The following ATRNL1 variants were observed in gnomAD, a reference collection of about 807,000 sequenced individuals.
ATRNL1 encodes the protein attractin-like protein 1.
ATRNL1 carries 95 observed loss-of-function variants against 182.7 expected under a neutral mutation model. The ratio of observed to expected loss-of-function variants is 0.52; its 90% CI spans 0.44 to 0.62. The LOEUF (loss-of-function observed/expected upper bound fraction) is 0.62, where lower values mean the gene tolerates loss of function less well. Among genes scored for constraint, ATRNL1 ranks in the 20% least tolerant of loss-of-function variants. ATRNL1 has a pLI of 0.00. For missense variants in ATRNL1, 1,471 were observed against 1,679.5 expected (o/e 0.88, Z 2.17); for synonymous variants, 576 against 568.3 (o/e 1.01, Z -0.19).
chr10:115,199,021 T>A (rs781943882), intron 8 of ATRNL1, among the ~76,000 whole-genome samples: 2 of 152,118 alleles, frequency 1.3e-5, no homozygotes, highest in Non-Finnish European at 2.9e-5. Flanking sequence ...TTAGGATTTT[T>A]AAAAAATTTT....
chr10:115,601,797 C>T (rs1251597915), intron 26 of ATRNL1, among the ~76,000 whole-genome samples: 1 of 152,064 alleles, frequency 6.6e-6, no homozygotes, highest in African/African-American at 2.4e-5. Flanking sequence ...GTAACTCTTT[C>T]GTTATTCCAG....
At chr10:115,389,880 A>G (rs984433233) in intron 19 of ATRNL1, among the ~76,000 whole-genome samples, 15 of 151,970 alleles carry the variant, frequency 9.9e-5, no homozygotes, top group African/African-American at 3.6e-4. Context: ...CATTTTGATA[A>G]TAGCCACTTA....
intron 24 of ATRNL1, among the ~76,000 whole-genome samples, chr10:115,475,742 C>A (rs756904181): frequency 2.6e-5 from 4 of 151,260 alleles, no homozygotes; most frequent in Non-Finnish European, 5.9e-5. Context: ...AGATGATCAT[C>A]ATTTTCTTTT....
chr10:115,697,659 T>C (rs1428943079), intron 26 of ATRNL1, among the ~76,000 whole-genome samples: 2 of 152,028 alleles, frequency 1.3e-5, no homozygotes, highest in Non-Finnish European at 2.9e-5. Flanking sequence ...TTCTGTGTGT[T>C]ACATATATAA....
At chr10:115,244,019 A>G (rs184926735) in intron 10 of ATRNL1, among the ~76,000 whole-genome samples, 11 of 152,230 alleles carry the variant, frequency 7.2e-5, no homozygotes, top group African/African-American at 2.4e-4. Flanking sequence ...ACTTCAACAA[A>G]TGTCTTTCAA....
chr10:115,902,405 T>C (rs1373208744), intron 28 of ATRNL1, among the ~76,000 whole-genome samples: 1 of 152,134 alleles, frequency 6.6e-6, no homozygotes, highest in African/African-American at 2.4e-5. Flanking sequence ...TGGCCAAAAT[T>C]TATTTCTCAA....
chr10:115,598,598 G>A (rs963915579), intron 26 of ATRNL1, among the ~76,000 whole-genome samples: 1 of 151,682 alleles, frequency 6.6e-6, no homozygotes, highest in South Asian at 2.1e-4. Context: ...TGCTGACCTT[G>A]TGATCCACCT....
intron 26 of ATRNL1, among the ~76,000 whole-genome samples, chr10:115,636,083 T>C (rs1858849924): frequency 6.6e-6 from 1 of 152,150 alleles, no homozygotes; most frequent in Admixed American, 6.6e-5. Flanking sequence ...TACACAGATA[T>C]GTTCAATTTT....
At chr10:115,143,112 T>C (rs1459145284) in intron 5 of ATRNL1, among the ~76,000 whole-genome samples, 1 of 152,082 alleles carries the variant, frequency 6.6e-6, no homozygotes, top group Non-Finnish European at 1.5e-5. Context: ...ATTGATGAAA[T>C]TGGATGAGAT....
At chr10:115,104,051 A>T (rs1444123571) in intron 1 of ATRNL1, among the ~76,000 whole-genome samples, 1 of 152,200 alleles carries the variant, frequency 6.6e-6, no homozygotes, top group East Asian at 1.9e-4. Flanking sequence ...TCTTTTAGGT[A>T]AATACCTAGC....
At chr10:115,248,817 G>A (rs1850752410) in intron 10 of ATRNL1, among the ~76,000 whole-genome samples, 1 of 152,078 alleles carries the variant, frequency 6.6e-6, no homozygotes. Flanking sequence ...GGGCAGGTGG[G>A]AAAAGATATT....
chr10:115,188,990 G>T (rs2144219631), intron 8 of ATRNL1, among the ~76,000 whole-genome samples: 1 of 152,214 alleles, frequency 6.6e-6, no homozygotes, highest in South Asian at 2.1e-4. Flanking sequence ...GAATAATTAA[G>T]TAAAATGAAA....
At position 115,460,863 on chromosome 10, in the gene ATRNL1, A is replaced by T. The variant is rs112134875; in HGVS notation, c.3323-1078A>T. Among the ~76,000 whole-genome samples the T allele has an allele frequency of 8.6e-3, 1,314 of 152,198 alleles. 19 individuals carry two copies. The highest frequency in any genetic ancestry group is 0.028 in the African/African-American group (1,168 of 41,530). On this transcript the variant is annotated intron_variant, in intron 21 of 28. Coordinates refer to ENST00000355044, the MANE Select transcript of ATRNL1 (RefSeq NM_207303.4). Reference sequence around the variant, plus strand: ...TTTTTTTATTGTATCTCTAGGGCCTAGAACACTGGCACATTGAATTTTCCT... The same window carrying T: ...TTTTTTTATTGTATCTCTAGGGCCTTGAACACTGGCACATTGAATTTTCCT...
intron 19 of ATRNL1, among the ~76,000 whole-genome samples, chr10:115,392,770 T>C (rs1426091539): frequency 6.6e-6 from 1 of 152,182 alleles, no homozygotes; most frequent in African/African-American, 2.4e-5. Context: ...CATACTTTCT[T>C]CCTGTTCTGG....
chr10:115,763,282 G>T (rs568033444), intron 27 of ATRNL1, among the ~76,000 whole-genome samples: 87 of 152,162 alleles, frequency 5.7e-4, no homozygotes, highest in Non-Finnish European at 1.0e-3. Context: ...ATATAACACA[G>T]GCCTTGCTCC....
chr10:115,185,049 G>T (rs1017217940), intron 8 of ATRNL1, among the ~76,000 whole-genome samples: 17 of 151,940 alleles, frequency 1.1e-4, no homozygotes, highest in Non-Finnish European at 1.2e-4. Context: ...GAGAACTGCA[G>T]CTATGAAATG....
At chr10:115,919,669 G>A (rs1555118190) in intron 28 of ATRNL1, among the ~76,000 whole-genome samples, 2 of 151,904 alleles carry the variant, frequency 1.3e-5, no homozygotes, top group Non-Finnish European at 2.9e-5. Flanking sequence ...TATATATATA[G>A]TCTTAGTCCA....
chr10:115,444,595 C>T (rs1181759081), intron 21 of ATRNL1, among the ~76,000 whole-genome samples: 2 of 146,284 alleles, frequency 1.4e-5, no homozygotes, highest in Non-Finnish European at 3.0e-5. Flanking sequence ...TTTTCTTTGC[C>T]ATTTTTGTAT....
At chr10:115,671,468 AC>A (rs1357720963) in intron 26 of ATRNL1, among the ~76,000 whole-genome samples, 5 of 152,128 alleles carry the variant, frequency 3.3e-5, no homozygotes, top group African/African-American at 9.7e-5. Context: ...TTATTGCGCT[AC>A]ACATTTTGAT....
Sources: gnomAD v4.1 joint callset for allele counts (sites outside exome capture counted in the v4.1 genomes callset) on GRCh38, gnomAD v4.1.1 for gene constraint, MANE v1.5 for transcripts, NCBI Gene and HGNC (gene_info 2026-07-23, HGNC 2026-07-21) for gene names.